ZP3: variants seen among roughly 807,000 people sequenced by gnomAD.
ZP3 encodes zona pellucida glycoprotein 3.
Under a neutral mutation model 35.6 loss-of-function variants are expected in ZP3, and 21 were observed. That is an observed-to-expected ratio of 0.59 (90% CI 0.42 to 0.85). ZP3 has a LOEUF of 0.85. ZP3 is among the 40% of genes least tolerant of loss of function. The pLI is 0.00. For synonymous variants in ZP3, 207 were observed against 214.5 expected, an observed-to-expected ratio of 0.96 and a Z score of 0.31; for missense variants, 437 against 536.5, an observed-to-expected ratio of 0.81 and a Z score of 1.83.
chr7:76,423,025 G>GAGAGAAAGAAGGAAAGAAAGAAAGAA (rs1278384225), upstream of ZP3, among the ~76,000 whole-genome samples: 1 of 75,806 alleles, frequency 1.3e-5, no homozygotes, highest in African/African-American at 4.9e-5. Context: ...GAGAGAGAGA[G>GAGAGAAAGAAGGAAAGAAAGAAAGAA]AGAAAGAAAG....
intron 1 of ZP3, chr7:76,398,878 G>C (rs990827955): frequency 1.0e-4 from 149 of 1,427,736 alleles, no homozygotes; most frequent in Admixed American, 4.6e-4. Context: ...GCAGGAGGAT[G>C]GACCCATAAG....
rs367973598 is a variant in ZP3 at position 76,397,567 on chromosome 7, C to G, written c.-297C>G. ...CGTGGTGGCCGCAGTTGTGCACACC[C>G]CAGCCCAGGCTCTGGCAGGCTGCCA... On this transcript the variant is annotated 5_prime_UTR_variant, in exon 1 of 9. Coordinates refer to the ZP3 transcript ENST00000336517. The G allele has an allele frequency of 6.8e-6, 11 of 1,606,368 alleles. No individual in the cohort carries two copies. Among genetic ancestry groups the G allele is most frequent in the Non-Finnish European group, 9.3e-6 (11 of 1,176,780 alleles).
intron 2 of ZP3, among the ~76,000 whole-genome samples, chr7:76,430,343 G>A (rs1168956450): frequency 6.6e-6 from 1 of 152,212 alleles, no homozygotes; most frequent in East Asian, 1.9e-4. Context: ...AGTGGGAGGA[G>A]AAACTATGGC....
At chr7:76,401,727 T>C (rs1210234631) in intron 1 of ZP3, among the ~76,000 whole-genome samples, 2 of 152,184 alleles carry the variant, frequency 1.3e-5, no homozygotes, top group East Asian at 3.8e-4. Context: ...AAGAGCTTTT[T>C]TCAATTCCCA....
At chr7:76,402,225 G>T (rs1056337495) in intron 1 of ZP3, among the ~76,000 whole-genome samples, 1 of 146,402 alleles carries the variant, frequency 6.8e-6, no homozygotes, top group Non-Finnish European at 1.5e-5. Flanking sequence ...CTCCATTCAG[G>T]CTGGAGCACA....
chr7:76,406,837 A>G (rs570834314), intron 1 of ZP3, among the ~76,000 whole-genome samples: 13 of 151,462 alleles, frequency 8.6e-5, no homozygotes, highest in Admixed American at 6.6e-4. Context: ...CGAGCATTGT[A>G]AGCAGCGTTT....
At chr7:76,401,564 A>G (rs1804830100) in intron 1 of ZP3, among the ~76,000 whole-genome samples, 1 of 151,966 alleles carries the variant, frequency 6.6e-6, no homozygotes, top group Non-Finnish European at 1.5e-5. Flanking sequence ...TTACAGGTGC[A>G]CACCACCAAG....
rs1160174272 is a variant in ZP3, at chr7:76,412,965, C to CTT, written c.-66-12073_-66-12072dup. Among the ~76,000 whole-genome samples, 109 of 102,544 alleles carry CTT rather than the reference C, an allele frequency of 1.1e-3. 1 individual carries two copies. Among genetic ancestry groups the CTT allele is most frequent in the African/African-American group, 4.8e-3 (101 of 20,836 alleles). The allele number at this position is 102,544 out of a possible 152,430, so 67.3% of individuals were successfully genotyped here. A position where few individuals can be genotyped will look rare whatever the true frequency, so the allele number is the denominator to read the frequency against. ...TCTTCTTTGTCTTCTTCTTCTTCTTCTTTTTTTTTTTTTTTGAGACGGAGT... is the reference window on the plus strand; with the variant it reads ...TCTTCTTTGTCTTCTTCTTCTTCTTCTTTTTTTTTTTTTTTTTGAGACGGAGT... On this transcript the variant is annotated intron_variant, in intron 1 of 8. Coordinates refer to the ZP3 transcript ENST00000336517.
chr7:76,412,745 A>C (rs1260394149), intron 1 of ZP3, among the ~76,000 whole-genome samples: 1 of 151,702 alleles, frequency 6.6e-6, no homozygotes, highest in Non-Finnish European at 1.5e-5. Context: ...GCTACTCGGG[A>C]GGCTGACGCA....
Position 76,440,242 on chromosome 7 carries a change from C to T in ZP3, c.832-8C>T. 4 of 1,607,092 alleles carry T rather than the reference C, an allele frequency of 2.5e-6. No homozygotes were observed. Among genetic ancestry groups the T allele is most frequent in the Non-Finnish European group, 3.4e-6 (4 of 1,176,702 alleles). ...ACTCGGCCTGGAAATAGCTGTTATT[C>T]CTTGCAGATATACATCACCTGCCAC... On this transcript the variant is annotated splice_polypyrimidine_tract_variant and splice_region_variant and intron_variant, in intron 5 of 7. Transcript: ENST00000394857.
At chr7:76,416,822 A>C (rs981991642) in intron 1 of ZP3, among the ~76,000 whole-genome samples, 49 of 150,802 alleles carry the variant, frequency 3.2e-4, no homozygotes, top group Non-Finnish European at 6.1e-4. Flanking sequence ...CTCTCTATAT[A>C]TATATACATA....
At chr7:76,397,823 C>A in intron 1 of ZP3, 1 of 1,573,018 alleles carries the variant, frequency 6.4e-7, no homozygotes, top group Non-Finnish European at 8.6e-7. Context: ...CAGGCGTACG[C>A]TGCCCTCACC....
At chr7:76,431,147 C>T (rs1322758431) in intron 2 of ZP3, among the ~76,000 whole-genome samples, 1 of 152,160 alleles carries the variant, frequency 6.6e-6, no homozygotes, top group East Asian at 1.9e-4. Flanking sequence ...AGGCCTGACC[C>T]ATGGTTGCAG....
chr7:76,418,577 C>T (rs1805432411), intron 1 of ZP3, among the ~76,000 whole-genome samples: 1 of 92,872 alleles, frequency 1.1e-5, no homozygotes, highest in Non-Finnish European at 2.1e-5. Context: ...AAAAAAAAGG[C>T]TGGGCACAGT....
At chr7:76,433,968 G>A (rs745630565) in intron 4 of ZP3, 70 bp from the exon 5 acceptor site, 1 of 1,222,270 alleles carries the variant, frequency 8.2e-7, no homozygotes, top group Non-Finnish European at 1.1e-6. Flanking sequence ...CAAAGTGCTG[G>A]GATTATGGGC....
At chr7:76,404,618 C>T in intron 1 of ZP3, 2 of 812,024 alleles carry the variant, frequency 2.5e-6, no homozygotes, top group Non-Finnish European at 3.8e-6. Flanking sequence ...ATAGTGAGAC[C>T]CCCATCTCTA....
At chr7:76,405,271 T>TTATATATATATATATA (rs1171830870) in intron 1 of ZP3, among the ~76,000 whole-genome samples, 2 of 9,140 alleles carry the variant, frequency 2.2e-4, no homozygotes, top group Non-Finnish European at 5.3e-4. Flanking sequence ...ACCCAGCTAA[T>TTATATATATATATATA]TATATATATA....
chr7:76,433,948 C>T, intron 4 of ZP3, 90 bp from the exon 5 acceptor site: 1 of 756,306 alleles, frequency 1.3e-6, no homozygotes, highest in South Asian at 1.8e-5. Context: ...ATCCACCCAC[C>T]TTGGCCTCCC....
In ZP3 at chr7:76,433,597, G is replaced by A. The variant is rs367627395; in HGVS notation, c.663G>A (p.Pro221=). Residue 221 remains proline (P), a synonymous_variant, in exon 4 of 8, where the codon CCG becomes CCA. Transcript: ENST00000394857. ...TTGTGGACCACTGCGTGGCCACACC[G>A]ACACCAGACCAGAATGCCTCCCCTT... The part of the protein sequence containing the change: ...RLFVDHCVAT[P]TPDQNASPYH... The A allele has an allele frequency of 8.7e-5, 141 of 1,614,018 alleles. No homozygotes were observed. The highest frequency in any genetic ancestry group is 1.1e-4 in the Non-Finnish European group (128 of 1,179,950).
Sources: gnomAD v4.1 joint callset for allele counts (sites outside exome capture counted in the v4.1 genomes callset) on GRCh38, gnomAD v4.1.1 for gene constraint, MANE v1.5 for transcripts, NCBI Gene and HGNC (gene_info 2026-07-23, HGNC 2026-07-21) for gene names.